FAM222B: variants seen among roughly 807,000 people sequenced by gnomAD.
The protein encoded by FAM222B is family with sequence similarity 222 member B.
FAM222B carries 12 observed loss-of-function variants against 38.0 expected under a neutral mutation model. The ratio of observed to expected loss-of-function variants is 0.32; its 90% CI spans 0.20 to 0.51. The LOEUF (loss-of-function observed/expected upper bound fraction) is 0.51, where lower values mean the gene tolerates loss of function less well. Among genes scored for constraint, FAM222B ranks in the 20% least tolerant of loss-of-function variants. The pLI, the probability that FAM222B is intolerant of heterozygous loss-of-function variation, is 0.97. For missense variants in FAM222B, 716 were observed against 754.2 expected, an observed-to-expected ratio of 0.95 and a Z score of 0.59; for synonymous variants, 329 against 317.2, an observed-to-expected ratio of 1.04 and a Z score of -0.40.
chr17:28,792,266 T>C (rs1383508464), intron 1 of FAM222B, among the ~76,000 whole-genome samples: 3 of 147,464 alleles, frequency 2.0e-5, no homozygotes, highest in East Asian at 2.0e-4. Flanking sequence ...GAGCCGAGAT[T>C]GCGCCACTGC....
At chr17:28,783,576 A>G (rs7220202) in intron 1 of FAM222B, among the ~76,000 whole-genome samples, 151,550 of 151,556 alleles carry the variant, frequency 1, 75,772 homozygotes, top group Middle Eastern at 1. Context: ...GCAGTGGCAA[A>G]ATCTTGGCTC....
At chr17:28,782,301 G>A (rs537391620) in intron 1 of FAM222B, among the ~76,000 whole-genome samples, 6 of 152,258 alleles carry the variant, frequency 3.9e-5, no homozygotes, top group South Asian at 4.1e-4. Context: ...CAGCCTGGGT[G>A]ACACAGTGAG....
At chr17:28,806,164 A>G (rs2037489338) in intron 1 of FAM222B, among the ~76,000 whole-genome samples, 4 of 151,986 alleles carry the variant, frequency 2.6e-5, no homozygotes. Flanking sequence ...AAAAAAAAAA[A>G]GTGTCCTTGA....
intron 1 of FAM222B, among the ~76,000 whole-genome samples, chr17:28,785,865 G>A (rs901429863): frequency 1.3e-5 from 2 of 152,100 alleles, no homozygotes; most frequent in African/African-American, 4.8e-5. Flanking sequence ...CTGCCACCAT[G>A]CCCTGCTAAT....
At chr17:28,775,931 C>T (rs1435984982) in intron 1 of FAM222B, among the ~76,000 whole-genome samples, 1 of 151,306 alleles carries the variant, frequency 6.6e-6, no homozygotes, top group African/African-American at 2.4e-5. Context: ...ACAAAAAGAG[C>T]CGGGCATGGT....
intron 1 of FAM222B, among the ~76,000 whole-genome samples, chr17:28,782,439 A>T (rs929428260): frequency 3.9e-5 from 6 of 152,232 alleles, no homozygotes; most frequent in African/African-American, 1.4e-4. Context: ...AAAACTGGAA[A>T]TAATCTAAAT....
intron 1 of FAM222B, among the ~76,000 whole-genome samples, chr17:28,783,799 C>T (rs1428308051): frequency 6.6e-6 from 1 of 151,294 alleles, no homozygotes; most frequent in Non-Finnish European, 1.5e-5. Flanking sequence ...GTATGAGCCA[C>T]TGCGCCCAGA....
upstream of FAM222B, among the ~76,000 whole-genome samples, chr17:28,846,297 A>T (rs1006262746): frequency 2.0e-5 from 3 of 151,718 alleles, no homozygotes; most frequent in African/African-American, 7.3e-5. Context: ...TGAACCCAGG[A>T]GGCAGAGGTT....
At chr17:28,844,612 C>G (rs888080594), upstream of FAM222B, among the ~76,000 whole-genome samples, 3 of 151,990 alleles carry the variant, frequency 2.0e-5, no homozygotes, top group African/African-American at 4.8e-5. Context: ...GAGCCGAGAT[C>G]AAGCCACTGC....
intron 1 of FAM222B, among the ~76,000 whole-genome samples, chr17:28,788,991 C>T (rs1038266992): frequency 7.0e-6 from 1 of 143,532 alleles, no homozygotes; most frequent in Non-Finnish European, 1.5e-5. Context: ...AGGTGATCTG[C>T]CTGCCTGCCT....
chr17:28,828,846 A>G (rs138291675), intron 1 of FAM222B, among the ~76,000 whole-genome samples: 46 of 152,044 alleles, frequency 3.0e-4, no homozygotes, highest in Non-Finnish European at 5.1e-4. Flanking sequence ...AAAATACGGA[A>G]CAGTCATGTC....
intron 2 of FAM222B, 128 bp downstream of exon 2, chr17:28,766,458 A>T (rs1352588816): frequency 7.1e-5 from 12 of 168,876 alleles, no homozygotes; most frequent in Non-Finnish European, 1.2e-4. Context: ...ACTTCGTCTT[A>T]AAAAAAAAAA....
chr17:28,778,303 G>A (rs892339129), intron 1 of FAM222B, among the ~76,000 whole-genome samples: 7 of 151,668 alleles, frequency 4.6e-5, no homozygotes, highest in Admixed American at 4.6e-4. Flanking sequence ...ATGTCCATGT[G>A]TTCTCACTGT....
chr17:28,769,819 C>G (rs1003005754), intron 1 of FAM222B, among the ~76,000 whole-genome samples: 1 of 152,180 alleles, frequency 6.6e-6, no homozygotes, highest in Non-Finnish European at 1.5e-5. Context: ...GAGCCAAACA[C>G]GCTACCGCTT....
At chr17:28,811,335 G>C (rs1597991534) in intron 1 of FAM222B, among the ~76,000 whole-genome samples, 1 of 152,278 alleles carries the variant, frequency 6.6e-6, no homozygotes, top group Admixed American at 6.5e-5. Flanking sequence ...AGCTACTCAG[G>C]AGGCTAAGAC....
intron 1 of FAM222B, among the ~76,000 whole-genome samples, chr17:28,772,500 G>A (rs1398333281): frequency 4.1e-5 from 6 of 146,116 alleles, no homozygotes; most frequent in Non-Finnish European, 7.5e-5. Flanking sequence ...CGAGGCGGGC[G>A]GATCACGAGG....
chr17:28,818,611 C>T (rs1028827386), intron 1 of FAM222B, among the ~76,000 whole-genome samples: 7 of 150,342 alleles, frequency 4.7e-5, no homozygotes, highest in African/African-American at 1.7e-4. Flanking sequence ...GACTGATAAA[C>T]CAGAATTAAA....
At chr17:28,767,400 C>T (rs534738090) in intron 1 of FAM222B, among the ~76,000 whole-genome samples, 36 of 152,198 alleles carry the variant, frequency 2.4e-4, no homozygotes, top group African/African-American at 8.2e-4. Flanking sequence ...TCAGTTGATC[C>T]GCCCACCTCG....
At chr17:28,770,211 CT>C (rs1301291091) in intron 1 of FAM222B, among the ~76,000 whole-genome samples, 5 of 152,184 alleles carry the variant, frequency 3.3e-5, no homozygotes, top group African/African-American at 9.7e-5. Context: ...ATTATTATAT[CT>C]AGAAAAGCAT....
Sources: allele counts gnomAD v4.1 joint callset (sites outside exome capture counted in the v4.1 genomes callset), GRCh38; gene constraint gnomAD v4.1.1; transcripts MANE v1.5; gene names NCBI Gene and HGNC (gene_info 2026-07-23, HGNC 2026-07-21).